ALLC: variants seen among roughly 807,000 people sequenced by gnomAD.
The protein encoded by ALLC is allantoicase.
ALLC carries 40 observed loss-of-function variants against 45.0 expected under a neutral mutation model. The observed-to-expected ratio is 0.89, with a 90% confidence interval of 0.69 to 1.16. The LOEUF (loss-of-function observed/expected upper bound fraction) is 1.16. Among genes scored for constraint, ALLC ranks in the 50% most tolerant of loss-of-function variants. ALLC has a pLI of 0.00. For synonymous variants in ALLC, 176 were observed against 178.1 expected, an observed-to-expected ratio of 0.99 and a Z score of 0.09; for missense variants, 488 against 493.1, an observed-to-expected ratio of 0.99 and a Z score of 0.10.
intron 2 of ALLC, 28 bp from the exon 3 acceptor site, chr2:3,674,047 A>G: frequency 1.4e-6 from 2 of 1,425,972 alleles, no homozygotes; most frequent in Non-Finnish European, 1.9e-6. Flanking sequence ...TGGTTGCTTT[A>G]TCTTTCTTTC....
Position 3,680,059 on chromosome 2 carries a change from C to T in ALLC, c.298+65C>T, listed in dbSNP as rs1572518236. On this transcript the variant is annotated intron_variant, in intron 5 of 11. Transcript: ENST00000252505. This position sits in a 1 kb window ranked among gnomAD's most constrained non-coding sequence, Gnocchi z 4.0. ...GTCACATGGCTCCTCTGGCCAGCCA[C>T]AGCCCCACAACTGCTCACTTTCCCT... is the stretch of plus-strand genomic sequence containing the variant. 7 of 1,602,368 alleles carry T rather than the reference C, an allele frequency of 4.4e-6. No homozygotes were observed. In the East Asian group the frequency reaches 1.6e-4, roughly 36 times the overall value.
At chr2:3,652,088 T>C in the ALLC span, among the ~76,000 whole-genome samples, 1 of 152,220 alleles carries the variant, frequency 6.6e-6, no homozygotes, top group African/African-American at 2.4e-5. Context: ...GAAAGCGTTT[T>C]GGGAGCTCGC....
intron 10 of ALLC, among the ~76,000 whole-genome samples, chr2:3,700,714 G>C (rs1271927937): frequency 2.6e-5 from 4 of 152,134 alleles, no homozygotes; most frequent in African/African-American, 9.7e-5. Context: ...AGAAATAGCA[G>C]CTCTAATGTT....
chr2:3,671,593 C>A (rs1558537057), intron 2 of ALLC, among the ~76,000 whole-genome samples: 1 of 124,564 alleles, frequency 8.0e-6, no homozygotes, highest in African/African-American at 3.1e-5. Flanking sequence ...TCCTCTGGCT[C>A]TAGTTAGATG....
chr2:3,670,565 C>T (rs930290510), intron 1 of ALLC, among the ~76,000 whole-genome samples: 4 of 152,204 alleles, frequency 2.6e-5, no homozygotes, highest in Non-Finnish European at 4.4e-5. Context: ...TCGCTGGCCC[C>T]GTCTCTGTGG....
At chr2:3,682,148 T>C (rs1243561426) in intron 6 of ALLC, among the ~76,000 whole-genome samples, 2 of 152,210 alleles carry the variant, frequency 1.3e-5, no homozygotes, top group Admixed American at 6.5e-5. Context: ...GTTTGTATTG[T>C]TTTTTACAGA....
chr2:3,665,704 A>G (rs1216061469), intron 1 of ALLC, among the ~76,000 whole-genome samples: 1 of 152,176 alleles, frequency 6.6e-6, no homozygotes, highest in African/African-American at 2.4e-5. Context: ...TTCTTTATCC[A>G]GTCTATCATT....
the ALLC span, among the ~76,000 whole-genome samples, chr2:3,648,426 T>C: frequency 6.6e-6 from 1 of 152,148 alleles, no homozygotes; most frequent in Non-Finnish European, 1.5e-5. Context: ...GCTCTGTGCA[T>C]GTGAGGCTGG....
At chr2:3,649,282 C>T in the ALLC span, among the ~76,000 whole-genome samples, 3 of 149,264 alleles carry the variant, frequency 2.0e-5, no homozygotes, top group East Asian at 5.9e-4. Context: ...CGCTCTATTG[C>T]CCAGGCTGGA....
intron 1 of ALLC, among the ~76,000 whole-genome samples, chr2:3,662,947 G>A (rs1029297027): frequency 1.3e-5 from 2 of 152,232 alleles, no homozygotes; most frequent in Non-Finnish European, 2.9e-5. Flanking sequence ...TGATGGAAGA[G>A]CACTAGCTTC....
chr2:3,697,960 C>T lies in ALLC; in HGVS notation c.850+504C>T, dbSNP rs6708013. Among the ~76,000 whole-genome samples, 1,324 of 146,848 alleles carry T rather than the reference C, an allele frequency of 9.0e-3. 18 individuals are homozygous for T. The highest frequency in any genetic ancestry group is 0.03 in the African/African-American group (1,198 of 39,334). ...GATTACAGGCCTGAGCCACTGCGCC[C>T]GACCCTTATTTATTTATTTTTGAGA... On this transcript the variant is annotated intron_variant, in intron 10 of 11. Transcript: ENST00000252505.
chr2:3,651,810 G>A, the ALLC span, among the ~76,000 whole-genome samples: 2 of 152,018 alleles, frequency 1.3e-5, no homozygotes, highest in Non-Finnish European at 2.9e-5. Flanking sequence ...CCTTATTCGC[G>A]GGCAGCTATT....
Position 3,701,574 on chromosome 2 carries a change from G to A in ALLC, c.913G>A (p.Val305Met), listed in dbSNP as rs753874112. 8.7e-6 allele frequency: 14 copies of A among 1,605,002 alleles called. No individual in the cohort carries two copies. The highest frequency in any genetic ancestry group is 4.5e-5 in the East Asian group (2 of 44,686). ...CILTTQEEEA[V>M]IRQKWILPAH... ...CCTGACAACTCAGGAAGAAGAAGCC[G>A]TGATCAGGCAAAAGTGGATTCTCCC... Residue 305 changes from valine to methionine, a missense_variant, in exon 11 of 12, where the codon GTG (valine) becomes ATG (methionine). Physicochemically the swap from Val to Met is conservative, Grantham distance 21. Transcript: ENST00000252505.
At chr2:3,651,443 T>TGTGTGTGTGTGTGTG in the ALLC span, among the ~76,000 whole-genome samples, 2 of 16,808 alleles carry the variant, frequency 1.2e-4, 1 homozygote, top group Non-Finnish European at 3.1e-4. Context: ...GTGTGTGTGT[T>TGTGTGTGTGTGTGTG]AGGAAGGGAG....
intron 7 of ALLC, among the ~76,000 whole-genome samples, chr2:3,691,680 T>C (rs1016608719): frequency 6.6e-6 from 1 of 152,234 alleles, no homozygotes; most frequent in Non-Finnish European, 1.5e-5. Context: ...TGAAAAGTTT[T>C]CTATTATTTC....
chr2:3,677,892 A>C (rs1326427072), intron 3 of ALLC, among the ~76,000 whole-genome samples: 1 of 152,218 alleles, frequency 6.6e-6, no homozygotes, highest in Non-Finnish European at 1.5e-5. Context: ...CATGTCGGCT[A>C]TTCCAACTTC....
intron 2 of ALLC, 103 bp downstream of exon 2, chr2:3,671,293 C>G: frequency 1.6e-5 from 22 of 1,384,110 alleles, no homozygotes; most frequent in Non-Finnish European, 2.2e-5. Context: ...AAGAATCAGG[C>G]TGAAGTGTTG....
chr2:3,675,381 C>A, intron 3 of ALLC, among the ~76,000 whole-genome samples: 1 of 99,798 alleles, frequency 1.0e-5, no homozygotes, highest in South Asian at 4.6e-4. Flanking sequence ...CAGAGTAAGA[C>A]CCTGTCAAAA....
In ALLC at chr2:3,671,167, G is replaced by A; in HGVS notation, c.10G>A (p.Ala4Thr). The change falls in exon 2 of 12, where the codon GCA becomes ACA. Residue 4 changes from alanine to threonine, a missense_variant. Physicochemically the swap from Ala to Thr is moderately conservative, Grantham distance 58 (BLOSUM62 0). Transcript: ENST00000252505. The stretch of plus-strand genomic sequence containing the variant: ...GGACTTCACCCAGCTGATGGACATG[G>A]CATCTGAATCCGTAGGAGGAAAAGT... MDM[A>T]SESVGGKILF... 1.2e-6 allele frequency: 2 copies of A among 1,611,684 alleles called. No homozygotes were observed. Among genetic ancestry groups the A allele is most frequent in the Non-Finnish European group, 8.5e-7 (1 of 1,179,056 alleles).
Sources: allele counts gnomAD v4.1 joint callset (sites outside exome capture counted in the v4.1 genomes callset), GRCh38; gene constraint gnomAD v4.1.1; non-coding constraint Gnocchi (gnomAD v3.1); transcripts MANE v1.5; gene names NCBI Gene and HGNC (gene_info 2026-07-23, HGNC 2026-07-21).